CSGALNACT1: variants seen among roughly 807,000 people sequenced by gnomAD.
The protein encoded by CSGALNACT1 is chondroitin sulfate N-acetylgalactosaminyltransferase 1, also known as beta4GalNAcT-1.
A neutral mutation model predicts 51.0 loss-of-function variants in CSGALNACT1; 52 were observed. The observed-to-expected ratio is 1.02, with a 90% confidence interval of 0.82 to 1.29. CSGALNACT1 has a LOEUF of 1.29. CSGALNACT1 is among the 50% of genes most tolerant of loss of function. CSGALNACT1 has a pLI of 0.00. For synonymous variants in CSGALNACT1, 341 were observed against 254.4 expected, an observed-to-expected ratio of 1.34 and a Z score of -3.24; for missense variants, 935 against 679.2, an observed-to-expected ratio of 1.38 and a Z score of -4.19.
At chr8:19,561,812 GTGA>G (rs1289674012) in intron 3 of CSGALNACT1, among the ~76,000 whole-genome samples, 1 of 152,224 alleles carries the variant, frequency 6.6e-6, no homozygotes, top group Non-Finnish European at 1.5e-5. Flanking sequence ...GGAAGCAGCA[GTGA>G]TTACAGGGAG....
upstream of CSGALNACT1, chr8:19,682,695 C>T (rs767824664): frequency 2.2e-6 from 1 of 454,096 alleles, no homozygotes; most frequent in South Asian, 1.6e-5. Context: ...GGGTTACTCA[C>T]CTCCGTGCAA....
intron 1 of CSGALNACT1, among the ~76,000 whole-genome samples, chr8:19,677,467 A>G (rs535078454): frequency 1.2e-4 from 18 of 152,310 alleles, no homozygotes; most frequent in Admixed American, 1.1e-3. Flanking sequence ...ATGACACAGT[A>G]GAGAAGAAAA....
At chr8:19,522,571 T>C (rs1305985021) in intron 3 of CSGALNACT1, among the ~76,000 whole-genome samples, 1 of 152,092 alleles carries the variant, frequency 6.6e-6, no homozygotes, top group Non-Finnish European at 1.5e-5. Context: ...GGACATTAGG[T>C]CTGGGGACAA....
intron 1 of CSGALNACT1, among the ~76,000 whole-genome samples, chr8:19,707,723 G>C (rs761686337): frequency 1.3e-5 from 2 of 152,052 alleles, no homozygotes; most frequent in African/African-American, 2.4e-5. Flanking sequence ...CTATAAGGCC[G>C]GGTGTGGTGG....
intron 1 of CSGALNACT1, among the ~76,000 whole-genome samples, chr8:19,663,579 G>C (rs1054907368): frequency 1.3e-5 from 2 of 152,180 alleles, no homozygotes; most frequent in Non-Finnish European, 2.9e-5. Context: ...CTGACAGCCT[G>C]GGTACAGTGG....
chr8:19,738,503 T>C (rs1262185446), intron 1 of CSGALNACT1, among the ~76,000 whole-genome samples: 1 of 152,110 alleles, frequency 6.6e-6, no homozygotes, highest in Non-Finnish European at 1.5e-5. Context: ...TATAGTTAAA[T>C]AGGTATGAGT....
intron 3 of CSGALNACT1, among the ~76,000 whole-genome samples, chr8:19,527,287 A>G (rs1315775402): frequency 2.0e-5 from 3 of 152,102 alleles, no homozygotes; most frequent in Non-Finnish European, 4.4e-5. Context: ...GTCTTGGAGG[A>G]GAAGGTTAGC....
intron 1 of CSGALNACT1, among the ~76,000 whole-genome samples, chr8:19,732,988 G>T (rs191743150): frequency 6.2e-4 from 95 of 152,270 alleles, no homozygotes; most frequent in Non-Finnish European, 1.0e-3. Flanking sequence ...GGTGAAAAAT[G>T]GAGTACTTAT....
chr8:19,653,570 G>A (rs972313713), intron 1 of CSGALNACT1, among the ~76,000 whole-genome samples: 1 of 152,158 alleles, frequency 6.6e-6, no homozygotes, highest in Non-Finnish European at 1.5e-5. Flanking sequence ...AAGAGGTATG[G>A]ATCACTTGAC....
chr8:19,581,226 A>T (rs2154122039), intron 3 of CSGALNACT1, among the ~76,000 whole-genome samples: 1 of 152,330 alleles, frequency 6.6e-6, no homozygotes, highest in African/African-American at 2.4e-5. Flanking sequence ...AATCAAATAT[A>T]AAATCTTAAA....
At chr8:19,702,986 T>C (rs1161085479) in intron 1 of CSGALNACT1, among the ~76,000 whole-genome samples, 1 of 152,104 alleles carries the variant, frequency 6.6e-6, no homozygotes, top group African/African-American at 2.4e-5. Context: ...CTTCCCTTTA[T>C]ATCTCATCTG....
At chr8:19,491,906 C>G (rs2074428533) in intron 4 of CSGALNACT1, among the ~76,000 whole-genome samples, 1 of 152,206 alleles carries the variant, frequency 6.6e-6, no homozygotes, top group South Asian at 2.1e-4. Flanking sequence ...ATTTTTCAAG[C>G]ATTGCAGTGC....
At chr8:19,628,702 G>T (rs1393997607) in intron 1 of CSGALNACT1, among the ~76,000 whole-genome samples, 1 of 151,372 alleles carries the variant, frequency 6.6e-6, no homozygotes, top group Non-Finnish European at 1.5e-5. Flanking sequence ...GGCTAGTCCT[G>T]AACTCCTGGC....
chr8:19,502,216 G>C (rs1359659648), intron 4 of CSGALNACT1, among the ~76,000 whole-genome samples: 1 of 152,190 alleles, frequency 6.6e-6, no homozygotes, highest in Non-Finnish European at 1.5e-5. Context: ...CTGGATGGCA[G>C]AGCATCTCTG....
intron 7 of CSGALNACT1, 120 bp from the exon 7 acceptor site, chr8:19,418,870 A>G (rs555381622): frequency 4.1e-6 from 3 of 730,302 alleles, no homozygotes; most frequent in South Asian, 3.0e-5. Flanking sequence ...TTTCTTTGAG[A>G]GGCAGTCTCA....
At chr8:19,446,292 G>A (rs1264180555) in intron 5 of CSGALNACT1, among the ~76,000 whole-genome samples, 3 of 152,162 alleles carry the variant, frequency 2.0e-5, no homozygotes, top group Non-Finnish European at 4.4e-5. Flanking sequence ...TGGTACCTGG[G>A]TCCCTTGGGC....
chr8:19,660,299 C>A (rs912825493), intron 1 of CSGALNACT1, among the ~76,000 whole-genome samples: 8 of 152,200 alleles, frequency 5.3e-5, no homozygotes, highest in Admixed American at 1.3e-4. Context: ...GGGGACCAGA[C>A]AAACTTGAGT....
intron 6 of CSGALNACT1, among the ~76,000 whole-genome samples, chr8:19,432,973 A>G (rs948693278): frequency 1.3e-5 from 2 of 152,028 alleles, no homozygotes; most frequent in Non-Finnish European, 2.9e-5. Context: ...TTTCTCGTGC[A>G]TGAGCCTTAG....
intron 1 of CSGALNACT1, among the ~76,000 whole-genome samples, chr8:19,633,139 T>C (rs888221586): frequency 6.6e-6 from 1 of 151,994 alleles, no homozygotes; most frequent in African/African-American, 2.4e-5. Flanking sequence ...TTTTAAACAT[T>C]TCCAGTGAGG....
Sources: gnomAD v4.1 joint callset for allele counts (sites outside exome capture counted in the v4.1 genomes callset) on GRCh38, gnomAD v4.1.1 for gene constraint, MANE v1.5 for transcripts, NCBI Gene and HGNC (gene_info 2026-07-23, HGNC 2026-07-21) for gene names.